NARF: variants seen among roughly 807,000 people sequenced by gnomAD.
NARF encodes nuclear prelamin A recognition factor, also known as iron-only hydrogenase-like protein 2.
In NARF, 41 loss-of-function variants were observed where a neutral mutation model predicts 48.0. That is an observed-to-expected ratio of 0.85 (90% CI 0.66 to 1.11). NARF has a LOEUF of 1.11. Among genes scored for constraint, NARF ranks in the 50% least tolerant of loss-of-function variants. The pLI is 0.00. For missense variants in NARF, 613 were observed against 590.2 expected (o/e 1.04, Z -0.40); for synonymous variants, 215 against 225.5 (o/e 0.95, Z 0.42).
intron 10 of NARF, among the ~76,000 whole-genome samples, chr17:82,487,118 C>G (rs1164684052): frequency 6.6e-6 from 1 of 152,126 alleles, no homozygotes; most frequent in Non-Finnish European, 1.5e-5. Context: ...ATGAAGCCAC[C>G]CAGTTCTAAA....
At chr17:82,468,664 G>A in intron 3 of NARF, 100 bp from the exon 4 acceptor site, 1 of 1,122,750 alleles carries the variant, frequency 8.9e-7, no homozygotes, top group Non-Finnish European at 1.3e-6. Flanking sequence ...TCTTTGCATA[G>A]ACCATCTATT....
At position 82,484,885 on chromosome 17, in the gene NARF, C is replaced by T; in HGVS notation, c.906C>T (p.Ile302=). 1 of 1,613,574 alleles carries T rather than the reference C, an allele frequency of 6.2e-7. No homozygotes were observed. Among genetic ancestry groups the T allele is most frequent in the Non-Finnish European group, 8.5e-7 (1 of 1,179,758 alleles). Residue 302 remains isoleucine (I), a synonymous_variant, in exon 9 of 11, where the codon ATC becomes ATT. Coordinates refer to ENST00000309794, the MANE Select transcript of NARF (RefSeq NM_012336.4). ...GASSDGHLAH[I]FRHAAKELFN... The stretch of plus-strand genomic sequence containing the variant: ...GCTCAGACGGGCACCTGGCACACAT[C>T]TTCAGACATGCGGCCAAGGAGCTGT...
chr17:82,468,743 A>AT, intron 3 of NARF, 21 bp from the exon 4 acceptor site: 1 of 1,612,400 alleles, frequency 6.2e-7, no homozygotes, highest in South Asian at 1.1e-5. Context: ...GATACCTAAC[A>AT]TTCTCTATTT....
chr17:82,461,614 A>C (rs1252029068), intron 2 of NARF, among the ~76,000 whole-genome samples: 3 of 152,186 alleles, frequency 2.0e-5, no homozygotes, highest in Non-Finnish European at 2.9e-5. Flanking sequence ...CCGTCTCAAA[A>C]AAAAGAATGT....
At chr17:82,466,018 C>T (rs1025209549) in intron 3 of NARF, among the ~76,000 whole-genome samples, 6 of 152,230 alleles carry the variant, frequency 3.9e-5, no homozygotes, top group African/African-American at 1.2e-4. Context: ...AGATGCCCCC[C>T]ACCCATCAGC....
At chr17:82,460,330 T>A (rs1460614595) in intron 2 of NARF, 2 of 287,260 alleles carry the variant, frequency 7.0e-6, no homozygotes, top group Non-Finnish European at 6.7e-6. Context: ...CCAGGTATGG[T>A]GGTGTACGCC....
At chr17:82,485,017 G>T in intron 9 of NARF, 67 bp downstream of exon 9, 1 of 1,499,378 alleles carries the variant, frequency 6.7e-7, no homozygotes, top group South Asian at 1.4e-5. Context: ...TGCCTGTATG[G>T]ATCTGTGCAT....
rs2044027782 is a variant in NARF, at chr17:82,483,735, G to A, written c.789G>A (p.Met263Ile). 3.7e-6 allele frequency: 6 copies of A among 1,613,932 alleles called. No homozygotes were observed. The East Asian group carries it at 1.3e-4, about 36-fold the overall frequency. ...CTGCAGGTGAAATTGCTCAAATAATGGAGCAAGGTGACCTCTCAGTGAGAG... is the reference window on the plus strand; with the variant it reads ...CTGCAGGTGAAATTGCTCAAATAATAGAGCAAGGTGACCTCTCAGTGAGAG... ...VLTSGEIAQI[M>I]EQGDLSVRDA... Residue 263 changes from methionine to isoleucine, a missense_variant, in exon 8 of 11, where the codon ATG (methionine) becomes ATA (isoleucine). Transcript: ENST00000309794.
rs141522146 is a variant in NARF, at chr17:82,469,754, C to T, written c.385+858C>T. 6.4e-3 allele frequency among the ~76,000 whole-genome samples: 981 copies of T among 152,120 alleles called. 14 individuals are homozygous for T. The highest frequency in any genetic ancestry group is 0.022 in the African/African-American group (921 of 41,508). ...CCAAGTAGCTGGGACTACAGGTGCG[C>T]GCCACCACTCCCGGCTAATTTTTGT... On this transcript the variant is annotated intron_variant, in intron 4 of 10. Coordinates refer to ENST00000309794, the MANE Select transcript of NARF (RefSeq NM_012336.4).
intron 5 of NARF, among the ~76,000 whole-genome samples, chr17:82,473,666 T>C (rs1194017575): frequency 6.6e-6 from 1 of 151,894 alleles, no homozygotes; most frequent in Non-Finnish European, 1.5e-5. Flanking sequence ...CAAGCGATTC[T>C]TATGCCTCAG....
At chr17:82,485,431 AG>A (rs112550788) in intron 9 of NARF, 65 bp from the exon 10 acceptor site, 5 of 1,544,788 alleles carry the variant, frequency 3.2e-6, no homozygotes, top group Admixed American at 3.8e-5. Context: ...AAAAAAAAAA[AG>A]GAAGTGTTCT....
chr17:82,458,585 GTCATTGGCCTAGGCA>G (rs1339576723), upstream of NARF: 1 of 543,778 alleles, frequency 1.8e-6, no homozygotes, highest in Non-Finnish European at 2.9e-6. Flanking sequence ...TCCCGACACT[GTCATTGGCCTAGGCA>G]AAGCCGTAAG....
intron 4 of NARF, 90 bp downstream of exon 4, chr17:82,468,986 G>A: frequency 2.1e-6 from 3 of 1,439,370 alleles, no homozygotes; most frequent in Non-Finnish European, 2.8e-6. Context: ...AAGGACGCAG[G>A]GTAGATAAGC....
Position 82,489,803 on chromosome 17 carries a change from C to G in NARF, c.*1646C>G, listed in dbSNP as rs527326409. On this transcript the variant is annotated 3_prime_UTR_variant, in exon 11 of 11. Coordinates refer to ENST00000309794, the MANE Select transcript of NARF (RefSeq NM_012336.4). Reference sequence around the variant, plus strand: ...GAGGATTGCTGGAGTCCAGGAGTTTCTACATGGGAGACTCTGTCTCTACAA... The same window carrying G: ...GAGGATTGCTGGAGTCCAGGAGTTTGTACATGGGAGACTCTGTCTCTACAA... 1 of 152,096 alleles carries G rather than the reference C, an allele frequency of 6.6e-6. No homozygotes were observed. The highest frequency in any genetic ancestry group is 2.1e-4 in the South Asian group (1 of 4,812). 9.4% of individuals were successfully genotyped at this position (152,096 alleles called of 1,614,324 possible).
chr17:82,464,042 C>G, intron 2 of NARF: 1 of 462,126 alleles, frequency 2.2e-6, no homozygotes, highest in South Asian at 3.6e-5. Flanking sequence ...CTGGGTTCCA[C>G]CCTTGTCATC....
rs1345527982 is a variant in NARF at position 82,489,609 on chromosome 17, A to T, written c.*1452A>T. The T allele has an allele frequency of 6.6e-6, 1 of 152,302 alleles. No individual in the cohort carries two copies. Among genetic ancestry groups the T allele is most frequent in the African/African-American group, 2.4e-5 (1 of 41,428 alleles). The allele number at this position is 152,302 out of a possible 1,614,324, so 9.4% of individuals were successfully genotyped here. A position where few individuals can be genotyped will look rare whatever the true frequency, so the allele number is the denominator to read the frequency against. On this transcript the variant is annotated 3_prime_UTR_variant, in exon 11 of 11. Transcript: ENST00000309794. ...ACCCTTGGCAGACAGGTTTCTTCTC[A>T]CACGGCCCTGGCCCATCCACTCGCC... is the stretch of plus-strand genomic sequence containing the variant.
chr17:82,487,666 A>C (rs1273341680), intron 10 of NARF, among the ~76,000 whole-genome samples: 1 of 151,898 alleles, frequency 6.6e-6, no homozygotes, highest in Non-Finnish European at 1.5e-5. Flanking sequence ...AAACTTCCTT[A>C]AGACTATCCC....
At chr17:82,460,230 C>T (rs754686337) in intron 2 of NARF, 158 bp downstream of exon 2, 14 of 558,870 alleles carry the variant, frequency 2.5e-5, no homozygotes, top group Middle Eastern at 2.7e-4. Context: ...TTTGGGAGGC[C>T]GAGGTGGACG....
chr17:82,479,292 C>T (rs867190270), intron 6 of NARF: 5 of 177,322 alleles, frequency 2.8e-5, no homozygotes, highest in East Asian at 3.6e-4. Flanking sequence ...TGGCCTGTGC[C>T]TGGAGGCTGA....
Sources: gnomAD v4.1 joint callset for allele counts (sites outside exome capture counted in the v4.1 genomes callset) on GRCh38, gnomAD v4.1.1 for gene constraint, MANE v1.5 for transcripts, NCBI Gene and HGNC (gene_info 2026-07-23, HGNC 2026-07-21) for gene names.